The following ALK variants were observed in gnomAD, a reference collection of about 807,000 sequenced individuals.
ALK encodes ALK tyrosine kinase receptor.
Under a neutral mutation model 163.1 loss-of-function variants are expected in ALK, and 74 were observed. That is an observed-to-expected ratio of 0.45 (90% CI 0.38 to 0.55). The LOEUF (loss-of-function observed/expected upper bound fraction) is 0.55, where lower values mean the gene tolerates loss of function less well. ALK is among the 20% of genes least tolerant of loss of function. The pLI, the probability that ALK is intolerant of heterozygous loss-of-function variation, is 0.00. For synonymous variants in ALK, 960 were observed against 843.2 expected, an observed-to-expected ratio of 1.14 and a Z score of -2.40; for missense variants, 2,063 against 2,105.3, an observed-to-expected ratio of 0.98 and a Z score of 0.39.
intron 1 of ALK, among the ~76,000 whole-genome samples, chr2:29,871,456 G>A (rs112403217): frequency 3.9e-5 from 6 of 152,172 alleles, no homozygotes; most frequent in African/African-American, 1.4e-4. Flanking sequence ...GGAGTCCAAG[G>A]CTGGTCCTTC....
intron 1 of ALK, among the ~76,000 whole-genome samples, chr2:29,835,319 G>A (rs1251267402): frequency 1.3e-5 from 2 of 152,126 alleles, no homozygotes; most frequent in Non-Finnish European, 2.9e-5. Flanking sequence ...AGGGGGGAAA[G>A]GTATTTCCAT....
intron 3 of ALK, among the ~76,000 whole-genome samples, chr2:29,671,326 A>C (rs1003693345): frequency 1.3e-5 from 2 of 152,098 alleles, no homozygotes; most frequent in Admixed American, 1.3e-4. Context: ...GTTTGTGCCC[A>C]GGGAACCTGT....
intron 6 of ALK, among the ~76,000 whole-genome samples, chr2:29,325,437 C>T (rs1055934260): frequency 6.6e-6 from 1 of 152,200 alleles, no homozygotes; most frequent in Non-Finnish European, 1.5e-5. Context: ...CTGCTTGTTT[C>T]TCAGACCTCA....
intron 4 of ALK, among the ~76,000 whole-genome samples, chr2:29,416,450 G>A (rs1412921115): frequency 6.6e-6 from 1 of 152,170 alleles, no homozygotes; most frequent in Non-Finnish European, 1.5e-5. Flanking sequence ...TATCAAATGT[G>A]GCATCTAAGG....
chr2:29,194,274 A>C (rs139089993), intron 28 of ALK, among the ~76,000 whole-genome samples: 6 of 152,172 alleles, frequency 3.9e-5, no homozygotes, highest in Non-Finnish European at 8.8e-5. Flanking sequence ...TAGTTCCACT[A>C]AAATCGTTCC....
chr2:29,372,194 T>C (rs1357744768), intron 5 of ALK, among the ~76,000 whole-genome samples: 7 of 152,182 alleles, frequency 4.6e-5, no homozygotes, highest in Non-Finnish European at 1.5e-5. Flanking sequence ...GGCCCCACTT[T>C]ACCCCAACCC....
rs370181329 is a variant in ALK, at chr2:29,221,114, CAG to C, written c.3516-281_3516-280del. Reference sequence around the variant, plus strand: ...CAGGCACTTGGGTGAGGAAGTGTCTCAGGGGGCAGGAGAGTGTCTTTCTCAGA... The same window carrying C: ...CAGGCACTTGGGTGAGGAAGTGTCTCGGGGCAGGAGAGTGTCTTTCTCAGA... On this transcript the variant is annotated intron_variant, in intron 22 of 28. Coordinates refer to ENST00000389048, the MANE Select transcript of ALK (RefSeq NM_004304.5). The C allele has an allele frequency of 1.2e-4, 68 of 589,870 alleles. 1 individual carries two copies. The highest frequency in any genetic ancestry group is 7.9e-4 in the East Asian group (22 of 27,736). 36.5% of individuals were successfully genotyped at this position (589,870 alleles called of 1,614,324 possible). A position where few individuals can be genotyped will look rare whatever the true frequency, so the allele number is the denominator to read the frequency against.
At chr2:29,208,881 G>C (rs1669385030) in intron 25 of ALK, among the ~76,000 whole-genome samples, 1 of 151,116 alleles carries the variant, frequency 6.6e-6, no homozygotes, top group Admixed American at 6.6e-5. Flanking sequence ...GTGAGAAAAA[G>C]TACAATTAAA....
At chr2:29,567,239 C>G (rs1319497041) in intron 3 of ALK, among the ~76,000 whole-genome samples, 2 of 152,158 alleles carry the variant, frequency 1.3e-5, no homozygotes, top group Non-Finnish European at 2.9e-5. Flanking sequence ...AGCATTCTTG[C>G]AGCATTTAGG....
intron 1 of ALK, among the ~76,000 whole-genome samples, chr2:29,883,807 G>C (rs532015187): frequency 1.3e-5 from 2 of 152,180 alleles, no homozygotes; most frequent in Admixed American, 1.3e-4. Context: ...AAATTTTTTG[G>C]AGATTTGTGA....
At chr2:29,382,450 A>G (rs1248326498) in intron 5 of ALK, among the ~76,000 whole-genome samples, 6 of 152,130 alleles carry the variant, frequency 3.9e-5, no homozygotes, top group African/African-American at 1.4e-4. Flanking sequence ...AGGTCAAGAA[A>G]TTTTTGCAGG....
At chr2:29,349,823 C>T (rs1031598207) in intron 5 of ALK, among the ~76,000 whole-genome samples, 12 of 152,146 alleles carry the variant, frequency 7.9e-5, no homozygotes, top group Non-Finnish European at 1.3e-4. Context: ...ATGTACAGTG[C>T]GACTGTGGGG....
At chr2:29,839,809 GAT>G (rs1187049753) in intron 1 of ALK, among the ~76,000 whole-genome samples, 2 of 152,044 alleles carry the variant, frequency 1.3e-5, no homozygotes, top group African/African-American at 4.8e-5. Flanking sequence ...TCTTCTGTGA[GAT>G]ATATTATGAC....
At chr2:29,866,812 T>C (rs1421873192) in intron 1 of ALK, among the ~76,000 whole-genome samples, 2 of 152,168 alleles carry the variant, frequency 1.3e-5, no homozygotes, top group African/African-American at 2.4e-5. Context: ...AAGTCACCTG[T>C]TGGAAACTCC....
chr2:29,256,926 G>T (rs1158112791), intron 11 of ALK, among the ~76,000 whole-genome samples: 1 of 152,186 alleles, frequency 6.6e-6, no homozygotes, highest in Non-Finnish European at 1.5e-5. Flanking sequence ...CCTAGTAACT[G>T]GAGTGTTTAT....
chr2:29,481,458 C>T (rs1406272439), intron 4 of ALK, among the ~76,000 whole-genome samples: 1 of 152,182 alleles, frequency 6.6e-6, no homozygotes, highest in African/African-American at 2.4e-5. Context: ...TTTACCAAAA[C>T]TCAATTTATA....
chr2:29,228,143 C>G (rs1409922127), intron 16 of ALK, among the ~76,000 whole-genome samples: 2 of 152,186 alleles, frequency 1.3e-5, no homozygotes, highest in Non-Finnish European at 2.9e-5. Flanking sequence ...TGGGGCTGGG[C>G]TATCTTTGGG....
At chr2:29,887,721 T>C (rs976395251) in intron 1 of ALK, among the ~76,000 whole-genome samples, 1 of 152,168 alleles carries the variant, frequency 6.6e-6, no homozygotes, top group African/African-American at 2.4e-5. Flanking sequence ...AGTCACACTG[T>C]GGGTAGGAAA....
intron 4 of ALK, among the ~76,000 whole-genome samples, chr2:29,483,630 AT>A (rs1671716699): frequency 6.6e-6 from 1 of 152,226 alleles, no homozygotes; most frequent in South Asian, 2.1e-4. Flanking sequence ...ATAGAGAATA[AT>A]TTAATTAGTA....
Sources: allele counts gnomAD v4.1 joint callset (sites outside exome capture counted in the v4.1 genomes callset), GRCh38; gene constraint gnomAD v4.1.1; transcripts MANE v1.5; gene names NCBI Gene and HGNC (gene_info 2026-07-23, HGNC 2026-07-21).